The following USP48 variants were observed in gnomAD, a reference collection of about 807,000 sequenced individuals.
USP48 encodes the protein ubiquitin carboxyl-terminal hydrolase 48.
Under a neutral mutation model 150.7 loss-of-function variants are expected in USP48, and 43 were observed. The observed-to-expected ratio is 0.29, with a 90% confidence interval of 0.22 to 0.37. The LOEUF (loss-of-function observed/expected upper bound fraction) is 0.37, where lower values mean the gene tolerates loss of function less well. Among genes scored for constraint, USP48 ranks in the 10% least tolerant of loss-of-function variants. The pLI is 1.00. For missense variants in USP48, 813 were observed against 1,249.6 expected (o/e 0.65, Z 5.27); for synonymous variants, 396 against 425.9 (o/e 0.93, Z 0.86).
intron 17 of USP48, 87 bp from the exon 18 acceptor site, chr1:21,706,274 T>C: frequency 6.5e-7 from 1 of 1,528,200 alleles, no homozygotes; most frequent in Non-Finnish European, 8.9e-7. Flanking sequence ...GTTGTCCTTA[T>C]TCAAGTTTTA....
At chr1:21,698,413 C>A (rs945214031) in intron 22 of USP48, among the ~76,000 whole-genome samples, 1 of 152,156 alleles carries the variant, frequency 6.6e-6, no homozygotes, top group African/African-American at 2.4e-5. Flanking sequence ...AATCTGTTGT[C>A]ATCCACAACT....
chr1:21,679,838 C>T (rs960894358), intron 26 of USP48, among the ~76,000 whole-genome samples: 1 of 152,134 alleles, frequency 6.6e-6, no homozygotes, highest in Non-Finnish European at 1.5e-5. Flanking sequence ...AGATTACAGG[C>T]GCACGCCACC....
chr1:21,702,962 C>T (rs142969149), intron 21 of USP48, among the ~76,000 whole-genome samples: 1 of 152,336 alleles, frequency 6.6e-6, no homozygotes, highest in African/African-American at 2.4e-5. Flanking sequence ...GGTTTTCACT[C>T]TGTTGCATAA....
chr1:21,683,762 T>C lies in USP48; in HGVS notation c.3059-2928A>G, dbSNP rs114102236. 8.9e-3 allele frequency among the ~76,000 whole-genome samples: 1,350 copies of C among 152,348 alleles called. 9 individuals carry two copies. The highest frequency in any genetic ancestry group is 0.013 in the Non-Finnish European group (901 of 68,036). ...AACTTATTCTTTCTATCAAATTGTA[T>C]GTTTGTACCCATTAACCAACCTCCC... On this transcript the variant is annotated intron_variant, in intron 25 of 26. Coordinates refer to ENST00000308271, the MANE Select transcript of USP48 (RefSeq NM_032236.8).
intron 19 of USP48, among the ~76,000 whole-genome samples, 191 bp downstream of exon 19, chr1:21,705,536 G>C (rs1335305263): frequency 6.6e-6 from 1 of 152,104 alleles, no homozygotes; most frequent in East Asian, 1.9e-4. Context: ...AATAGCCTCG[G>C]GCAGCCTCTT....
At position 21,697,429 on chromosome 1, in the gene USP48, C is replaced by T. The variant is rs1490577889; in HGVS notation, c.2728-2208G>A. Among the ~76,000 whole-genome samples the T allele has an allele frequency of 2.6e-5, 4 of 151,994 alleles. No homozygotes were observed. In the South Asian group the frequency reaches 8.3e-4, roughly 32 times the overall value. On this transcript the variant is annotated intron_variant, in intron 22 of 26. Transcript: ENST00000308271. ...CTGTAATCCCAGCACTTTGGGAGGCCAAGGTGGGCGGATCACAAGGTCAGG... is the reference window on the plus strand; with the variant it reads ...CTGTAATCCCAGCACTTTGGGAGGCTAAGGTGGGCGGATCACAAGGTCAGG...
chr1:21,709,128 G>A (rs959648278), intron 15 of USP48, among the ~76,000 whole-genome samples: 30 of 151,748 alleles, frequency 2.0e-4, no homozygotes, highest in African/African-American at 6.1e-4. Flanking sequence ...TTAAGCAACC[G>A]TCCTACCTCA....
intron 22 of USP48, among the ~76,000 whole-genome samples, chr1:21,700,380 C>G (rs905426147): frequency 6.6e-6 from 1 of 152,152 alleles, no homozygotes; most frequent in Non-Finnish European, 1.5e-5. Flanking sequence ...CATCCCTTTA[C>G]ACCGGTTGGG....
Position 21,752,889 on chromosome 1 carries a change from T to C in USP48, c.540+103A>G. The C allele has an allele frequency of 2.6e-5, 37 of 1,411,728 alleles. No individual in the cohort carries two copies. In the South Asian group the frequency reaches 5.3e-4, roughly 20 times the overall value. 87.5% of individuals were successfully genotyped at this position (1,411,728 alleles called of 1,614,324 possible). A position where few individuals can be genotyped will look rare whatever the true frequency, so the allele number is the denominator to read the frequency against. ...AGGTTTTCATTCAAAATAGAAAAAATTTAATTTTTAAAAAGCATTCTACTT... is the reference window on the plus strand; with the variant it reads ...AGGTTTTCATTCAAAATAGAAAAAACTTAATTTTTAAAAAGCATTCTACTT... On this transcript the variant is annotated intron_variant, in intron 4 of 26. Coordinates refer to ENST00000308271, the MANE Select transcript of USP48 (RefSeq NM_032236.8).
At chr1:21,687,269 C>T in intron 24 of USP48, 30 bp from the exon 25 acceptor site, 3 of 1,606,054 alleles carry the variant, frequency 1.9e-6, no homozygotes, top group Non-Finnish European at 2.6e-6. Flanking sequence ...AATTCAAAAC[C>T]ACAAGGGAGA....
chr1:21,691,248 A>G (rs1283084777), intron 23 of USP48, among the ~76,000 whole-genome samples: 1 of 142,274 alleles, frequency 7.0e-6, no homozygotes, highest in Admixed American at 7.5e-5. Context: ...CAGGAGATGG[A>G]GGTTGTGGTG....
intron 15 of USP48, among the ~76,000 whole-genome samples, chr1:21,709,586 A>T (rs974783090): frequency 2.4e-5 from 2 of 82,306 alleles, no homozygotes; most frequent in Non-Finnish European, 6.3e-5. Flanking sequence ...TTTATGCTTT[A>T]AAAAAAAAAA....
intron 14 of USP48, among the ~76,000 whole-genome samples, chr1:21,719,283 A>G (rs1316914964): frequency 6.6e-6 from 1 of 151,578 alleles, no homozygotes; most frequent in East Asian, 1.9e-4. Flanking sequence ...TTCCATCTCA[A>G]AAAAGTAAAA....
intron 11 of USP48, 27 bp from the exon 12 acceptor site, chr1:21,724,122 C>T (rs1171848984): frequency 1.2e-6 from 2 of 1,608,182 alleles, no homozygotes; most frequent in South Asian, 1.1e-5. Context: ...CGGAAAGAGC[C>T]TATGTATTTT....
At chr1:21,688,342 C>T (rs1359176806) in intron 24 of USP48, among the ~76,000 whole-genome samples, 1 of 151,910 alleles carries the variant, frequency 6.6e-6, no homozygotes, top group Non-Finnish European at 1.5e-5. Context: ...TCTCAGCCTC[C>T]CGAGTAGCTG....
Position 21,705,786 on chromosome 1 carries a change from C to A in USP48, c.2325G>T (p.Leu775Phe). Residue 775 changes from leucine (L) to phenylalanine (F), a missense_variant, in exon 19 of 27, where the codon TTG becomes TTT. Physicochemically the swap from Leu to Phe is conservative, Grantham distance 22. Coordinates refer to ENST00000308271, the MANE Select transcript of USP48 (RefSeq NM_032236.8). The stretch of plus-strand genomic sequence containing the variant: ...TAAACATGAGGCCCCCGTGGGGACA[C>A]AAAAGAGCACTGTTCCCAACTGATG... ...PVSSVGNSALLCPHGGLMFTF... is the reference protein window; with the variant it reads ...PVSSVGNSALFCPHGGLMFTF... 1.2e-6 allele frequency: 2 copies of A among 1,612,372 alleles called. No individual in the cohort carries two copies. The highest frequency in any genetic ancestry group is 1.1e-5 in the South Asian group (1 of 90,634).
At chr1:21,760,883 C>G (rs915601099) in intron 1 of USP48, among the ~76,000 whole-genome samples, 1 of 152,104 alleles carries the variant, frequency 6.6e-6, no homozygotes, top group African/African-American at 2.4e-5. Context: ...CACCTGAGGT[C>G]GGGATTTCGA....
chr1:21,767,902 A>G (rs111496248), intron 1 of USP48, among the ~76,000 whole-genome samples: 6,148 of 152,228 alleles, frequency 0.04, 311 homozygotes, highest in African/African-American at 0.12. Context: ...TTAGACATGC[A>G]AGAAATAAGC....
At chr1:21,740,890 G>C (rs2152566719) in intron 8 of USP48, among the ~76,000 whole-genome samples, 1 of 152,238 alleles carries the variant, frequency 6.6e-6, no homozygotes, top group South Asian at 2.1e-4. Flanking sequence ...TCTATAAATG[G>C]TTTAACCTCA....
Sources: allele counts gnomAD v4.1 joint callset (sites outside exome capture counted in the v4.1 genomes callset), GRCh38; gene constraint gnomAD v4.1.1; transcripts MANE v1.5; gene names NCBI Gene and HGNC (gene_info 2026-07-23, HGNC 2026-07-21).